Variants in NCK2 observed in about 807,000 individuals in gnomAD.
NCK2 encodes NCK adaptor protein 2.
A neutral mutation model predicts 33.9 loss-of-function variants in NCK2; 16 were observed. The observed-to-expected ratio is 0.47, with a 90% CI of 0.32 to 0.72. The LOEUF (loss-of-function observed/expected upper bound fraction) is 0.72, where lower values mean the gene tolerates loss of function less well. NCK2 is among the 30% of genes least tolerant of loss of function. The pLI, the probability that NCK2 is intolerant of heterozygous loss-of-function variation, is 0.03. For synonymous variants in NCK2, 273 were observed against 239.9 expected (o/e 1.14, Z -1.27); for missense variants, 418 against 537.3 (o/e 0.78, Z 2.19).
At chr2:105,863,257 A>G (rs1313397566) in intron 3 of NCK2, among the ~76,000 whole-genome samples, 1 of 152,144 alleles carries the variant, frequency 6.6e-6, no homozygotes, top group Non-Finnish European at 1.5e-5. Flanking sequence ...GATTATAAAT[A>G]TTCTCACAGG....
At chr2:105,783,011 C>T (rs1001858933) in intron 1 of NCK2, among the ~76,000 whole-genome samples, 7 of 152,198 alleles carry the variant, frequency 4.6e-5, no homozygotes, top group Admixed American at 2.6e-4. Flanking sequence ...TCATTTGCAA[C>T]AGGTAAGCCT....
intron 2 of NCK2, among the ~76,000 whole-genome samples, chr2:105,835,405 A>ATATG (rs70953537): frequency 5.3e-5 from 2 of 37,980 alleles, no homozygotes; most frequent in African/African-American, 1.3e-4. Flanking sequence ...ATATATATAT[A>ATATG]CGTGTATATA....
chr2:105,872,393 T>A (rs571496824), intron 3 of NCK2, among the ~76,000 whole-genome samples: 30 of 152,302 alleles, frequency 2.0e-4, no homozygotes, highest in African/African-American at 7.0e-4. Context: ...GTGTAGCCTG[T>A]CTTCCTTGCC....
chr2:105,794,478 C>A, intron 1 of NCK2, among the ~76,000 whole-genome samples: 1 of 151,706 alleles, frequency 6.6e-6, no homozygotes, highest in Admixed American at 6.6e-5. Flanking sequence ...TAAAATAACC[C>A]CACCAATATA....
At chr2:105,834,236 T>C (rs1025814847) in intron 2 of NCK2, among the ~76,000 whole-genome samples, 10 of 152,306 alleles carry the variant, frequency 6.6e-5, no homozygotes, top group African/African-American at 2.4e-4. Context: ...TGTAGTGGGG[T>C]GTTGAAGCCC....
intron 2 of NCK2, among the ~76,000 whole-genome samples, chr2:105,825,491 G>A (rs755816033): frequency 1.3e-5 from 2 of 152,202 alleles, no homozygotes; most frequent in Non-Finnish European, 2.9e-5. Context: ...GCACTGCAGC[G>A]CTTTGGAACA....
intron 1 of NCK2, among the ~76,000 whole-genome samples, chr2:105,777,712 A>G (rs1268002975): frequency 6.6e-6 from 1 of 151,830 alleles, no homozygotes; most frequent in East Asian, 1.9e-4. Flanking sequence ...GCCACTGTGG[A>G]CACTGTGGTT....
At chr2:105,854,394 AG>A (rs1292264383) in intron 2 of NCK2, 2 of 152,230 alleles carry the variant, frequency 1.3e-5, no homozygotes, top group Non-Finnish European at 2.9e-5. Context: ...TTCCCAGTAT[AG>A]TACAGAACTT....
chr2:105,818,634 T>C (rs1361242029), intron 2 of NCK2, among the ~76,000 whole-genome samples: 2 of 152,282 alleles, frequency 1.3e-5, no homozygotes, highest in East Asian at 3.9e-4. Context: ...AACTTTTAGG[T>C]GATATGTCTT....
intron 4 of NCK2, among the ~76,000 whole-genome samples, chr2:105,886,459 C>T (rs1678724339): frequency 6.6e-6 from 1 of 152,182 alleles, no homozygotes; most frequent in Non-Finnish European, 1.5e-5. Flanking sequence ...TTGCTGACTT[C>T]GAATCTCTGG....
At chr2:105,748,467 C>T (rs1488638195) in intron 1 of NCK2, among the ~76,000 whole-genome samples, 1 of 152,186 alleles carries the variant, frequency 6.6e-6, no homozygotes, top group Non-Finnish European at 1.5e-5. Flanking sequence ...TCACTGCATC[C>T]TCGAGCTTCT....
chr2:105,751,609 A>G (rs1689458866), intron 1 of NCK2, among the ~76,000 whole-genome samples: 1 of 152,214 alleles, frequency 6.6e-6, no homozygotes, highest in Non-Finnish European at 1.5e-5. Flanking sequence ...AATTGTGATA[A>G]CAAAACTAAG....
intron 1 of NCK2, among the ~76,000 whole-genome samples, chr2:105,761,249 G>C (rs1689755425): frequency 6.6e-6 from 1 of 152,252 alleles, no homozygotes; most frequent in African/African-American, 2.4e-5. Context: ...CGTTGGCTCA[G>C]AAGCTGGCGT....
intron 2 of NCK2, among the ~76,000 whole-genome samples, chr2:105,816,926 G>C (rs994158643): frequency 2.0e-5 from 3 of 152,128 alleles, no homozygotes; most frequent in Non-Finnish European, 4.4e-5. Context: ...TTCTGTATGG[G>C]ACAGGGAGTA....
chr2:105,772,555 G>T (rs1007292664), intron 1 of NCK2, among the ~76,000 whole-genome samples: 1 of 152,068 alleles, frequency 6.6e-6, no homozygotes, highest in African/African-American at 2.4e-5. Context: ...TCAGCCGCAT[G>T]TTACTGATGC....
chr2:105,855,779 G>C (rs1296327975), intron 3 of NCK2: 2 of 152,766 alleles, frequency 1.3e-5, no homozygotes, highest in East Asian at 1.9e-4. Context: ...TGACATCAGA[G>C]GCCGCTCCAT....
In NCK2 at chr2:105,827,971, C is replaced by T. The variant is rs183156788; in HGVS notation, c.-17+11358C>T. ...TATACTAATGTCAGTTTCCTGGTTT[C>T]GATATTTTACTGCAGTTATGTAGAA... On this transcript the variant is annotated intron_variant, in intron 2 of 4. Transcript: ENST00000233154. Among the ~76,000 whole-genome samples, 27 of 152,102 alleles carry T rather than the reference C, an allele frequency of 1.8e-4. No homozygotes were observed. The East Asian group carries it at 4.2e-3, about 24-fold the overall frequency.
intron 1 of NCK2, among the ~76,000 whole-genome samples, chr2:105,778,574 A>G (rs1173138563): frequency 6.6e-6 from 1 of 152,254 alleles, no homozygotes; most frequent in East Asian, 1.9e-4. Context: ...CTCACAGAGT[A>G]ATGCAGGATG....
rs528284273 is a variant in NCK2, at chr2:105,770,834, G to A, written c.-201+25696G>A. 5.9e-5 allele frequency among the ~76,000 whole-genome samples: 9 copies of A among 152,294 alleles called. No individual in the cohort carries two copies. In the East Asian group the frequency reaches 1.5e-3, roughly 26 times the overall value. On this transcript the variant is annotated intron_variant, in intron 1 of 4. Coordinates refer to ENST00000233154, the MANE Select transcript of NCK2 (RefSeq NM_003581.5). ...AAGTCATTTTGGGTTAAACAGTTTGGCATTTCAGTTTGCTTATCATTTCAA... is the reference window on the plus strand; with the variant it reads ...AAGTCATTTTGGGTTAAACAGTTTGACATTTCAGTTTGCTTATCATTTCAA...
Sources: allele counts gnomAD v4.1 joint callset (sites outside exome capture counted in the v4.1 genomes callset), GRCh38; gene constraint gnomAD v4.1.1; transcripts MANE v1.5; gene names NCBI Gene and HGNC (gene_info 2026-07-23, HGNC 2026-07-21).